Variants in LZTFL1 observed in about 807,000 individuals in gnomAD.
The protein encoded by LZTFL1 is leucine zipper transcription factor like 1.
A neutral mutation model predicts 45.9 loss-of-function variants in LZTFL1; 25 were observed. The observed-to-expected ratio is 0.54, with a 90% CI of 0.40 to 0.76. The LOEUF is 0.76. LZTFL1 is among the 30% of genes least tolerant of loss of function. The pLI, the probability that LZTFL1 is intolerant of heterozygous loss-of-function variation, is 0.00. For missense variants in LZTFL1, 277 were observed against 331.1 expected, an observed-to-expected ratio of 0.84 and a Z score of 1.27; for synonymous variants, 93 against 117.4, an observed-to-expected ratio of 0.79 and a Z score of 1.35.
At chr3:45,838,271 G>A (rs1397886881) in intron 1 of LZTFL1, among the ~76,000 whole-genome samples, 4 of 152,090 alleles carry the variant, frequency 2.6e-5, no homozygotes, top group African/African-American at 9.7e-5. Flanking sequence ...GAATGTTGTG[G>A]TCTACTTCCA....
chr3:45,864,935 A>G (rs1701553424), intron 2 of LZTFL1, among the ~76,000 whole-genome samples: 1 of 152,228 alleles, frequency 6.6e-6, no homozygotes, highest in Admixed American at 6.5e-5. Flanking sequence ...GACTACACTT[A>G]AAGTGAGCTT....
chr3:45,842,301 T>C, upstream of LZTFL1: 6 of 724,546 alleles, frequency 8.3e-6, no homozygotes, highest in Non-Finnish European at 1.3e-5. Context: ...TTGCAGAAGG[T>C]AGCGGGAGGG....
intron 2 of LZTFL1, among the ~76,000 whole-genome samples, chr3:45,892,083 A>G (rs1215928855): frequency 1.3e-5 from 2 of 152,162 alleles, no homozygotes; most frequent in Admixed American, 6.5e-5. Context: ...AGATATTTAG[A>G]TTCCAAGATC....
Position 45,900,684 on chromosome 3 carries a change from C to T in LZTFL1, c.-215+12436G>A. The T allele has an allele frequency of 1.2e-6, 1 of 863,074 alleles. No individual in the cohort carries two copies. Among genetic ancestry groups the T allele is most frequent in the Non-Finnish European group, 1.8e-6 (1 of 552,522 alleles). 53.5% of individuals were successfully genotyped at this position (863,074 alleles called of 1,614,324 possible). Reference sequence around the variant, plus strand: ...ACCCAAGCAGATGTCCTCAGAATGCCTATGTGTCTTTGGCCTTATCATAGG... The same window carrying T: ...ACCCAAGCAGATGTCCTCAGAATGCTTATGTGTCTTTGGCCTTATCATAGG... On this transcript the variant is annotated intron_variant, in intron 2 of 4. Coordinates refer to the LZTFL1 transcript ENST00000472635. The surrounding 1 kb of genome is among the most constrained non-coding windows in gnomAD (Gnocchi z 4.7).
At chr3:45,902,296 T>G (rs1702584701) in intron 2 of LZTFL1, 1 of 182,732 alleles carries the variant, frequency 5.5e-6, no homozygotes, top group Non-Finnish European at 1.3e-5. Flanking sequence ...AAGCACTGGC[T>G]GCTGCTACAG....
chr3:45,867,931 G>A (rs931670770), intron 2 of LZTFL1, among the ~76,000 whole-genome samples: 1 of 151,898 alleles, frequency 6.6e-6, no homozygotes, highest in Non-Finnish European at 1.5e-5. Context: ...TTCTGTCTCT[G>A]GATAGCTCTG....
intron 2 of LZTFL1, among the ~76,000 whole-genome samples, chr3:45,863,026 TTATG>T (rs1701516308): frequency 6.6e-6 from 1 of 152,238 alleles, no homozygotes; most frequent in Non-Finnish European, 1.5e-5. Flanking sequence ...GAGAATAGTA[TTATG>T]AGACCCAAGA....
chr3:45,863,854 C>T (rs1418250942), intron 2 of LZTFL1, among the ~76,000 whole-genome samples: 1 of 152,052 alleles, frequency 6.6e-6, no homozygotes, highest in African/African-American at 2.4e-5. Flanking sequence ...ATTGGTTCCT[C>T]GTTTGGACAA....
intron 2 of LZTFL1, among the ~76,000 whole-genome samples, chr3:45,872,830 C>T (rs527282616): frequency 4.4e-4 from 67 of 152,258 alleles, no homozygotes; most frequent in Middle Eastern, 6.8e-3. Context: ...TTGAGAAATG[C>T]TTTTATGACA....
At chr3:45,826,665 A>C (rs111550102) in intron 9 of LZTFL1, among the ~76,000 whole-genome samples, 117 of 152,362 alleles carry the variant, frequency 7.7e-4, no homozygotes, top group African/African-American at 2.6e-3. Context: ...TCTAAGGACA[A>C]ATCTCACCTT....
chr3:45,843,273 GTGT>G (rs1701161634), upstream of LZTFL1, among the ~76,000 whole-genome samples: 1 of 152,208 alleles, frequency 6.6e-6, no homozygotes, highest in Admixed American at 6.5e-5. Flanking sequence ...TGTTTAGTGA[GTGT>G]TGTTGAATTT....
At chr3:45,895,387 C>A (rs1322127816) in intron 2 of LZTFL1, among the ~76,000 whole-genome samples, 1 of 152,216 alleles carries the variant, frequency 6.6e-6, no homozygotes, top group Non-Finnish European at 1.5e-5. Flanking sequence ...AGTATACATT[C>A]CCCTGAAAGA....
intron 2 of LZTFL1, among the ~76,000 whole-genome samples, chr3:45,864,108 G>T (rs993934315): frequency 1.3e-5 from 2 of 152,138 alleles, no homozygotes; most frequent in African/African-American, 2.4e-5. Context: ...CCTGTGGAAA[G>T]GTTGAACAAA....
rs146037379 is a variant in LZTFL1, at chr3:45,830,737, A to T, written c.600+176T>A. Among the ~76,000 whole-genome samples, 1,404 of 152,298 alleles carry T rather than the reference A, an allele frequency of 9.2e-3. 28 individuals carry two copies. Among genetic ancestry groups the T allele is most frequent in the African/African-American group, 0.032 (1,323 of 41,558 alleles). On this transcript the variant is annotated intron_variant, in intron 7 of 9. Transcript: ENST00000296135. ...CTAGAGGATGGACAGAGGGAAGGTC[A>T]CTGGTTCTCACCAGGCCTTTTGGGG...
At chr3:45,888,836 T>G (rs534930813) in intron 2 of LZTFL1, among the ~76,000 whole-genome samples, 1 of 152,156 alleles carries the variant, frequency 6.6e-6, no homozygotes, top group Non-Finnish European at 1.5e-5. Flanking sequence ...TCTGTGGAGG[T>G]TCTAGATGTG....
At chr3:45,915,616 C>A in exon 1 of LZTFL1, 1 of 415,218 alleles carries the variant, frequency 2.4e-6, no homozygotes, top group Non-Finnish European at 4.9e-6. Context: ...GACACTCATG[C>A]ATCTCAGGTT....
rs374520092 is a variant in LZTFL1, at chr3:45,829,802, C to T, written c.600+1111G>A. On this transcript the variant is annotated intron_variant, in intron 7 of 9. Coordinates refer to ENST00000296135, the MANE Select transcript of LZTFL1 (RefSeq NM_020347.4). ...CCAAAAAGCTTTTAAACAAATTCAT[C>T]AGCCACATGTGTTTGCAATTGTTTG... Among the ~76,000 whole-genome samples the T allele has an allele frequency of 1.5e-3, 223 of 152,296 alleles. 5 individuals are homozygous for T. The South Asian group carries it at 0.044, about 30-fold the overall frequency.
intron 4 of LZTFL1, among the ~76,000 whole-genome samples, chr3:45,850,049 T>C (rs1701283516): frequency 6.6e-6 from 1 of 152,226 alleles, no homozygotes; most frequent in Non-Finnish European, 1.5e-5. Flanking sequence ...GAGAGATTTT[T>C]CCATGTGCCC....
At chr3:45,874,952 C>T (rs999401318) in intron 2 of LZTFL1, among the ~76,000 whole-genome samples, 2 of 152,222 alleles carry the variant, frequency 1.3e-5, no homozygotes, top group Admixed American at 6.5e-5. Flanking sequence ...TTCTAGCTGG[C>T]TACAAACACC....
Sources: gnomAD v4.1 joint callset for allele counts (sites outside exome capture counted in the v4.1 genomes callset) on GRCh38, gnomAD v4.1.1 for gene constraint, Gnocchi (gnomAD v3.1) non-coding constraint, MANE v1.5 for transcripts, NCBI Gene and HGNC (gene_info 2026-07-23, HGNC 2026-07-21) for gene names.